EXOC4: variants seen among roughly 807,000 people sequenced by gnomAD.
EXOC4 encodes the protein SEC8-like 1.
EXOC4 carries 71 observed loss-of-function variants against 107.2 expected under a neutral mutation model. The observed-to-expected ratio is 0.66, with a 90% confidence interval of 0.55 to 0.81. EXOC4 has a LOEUF of 0.81. EXOC4 is among the 30% of genes least tolerant of loss of function. EXOC4 has a pLI of 0.00. For missense variants in EXOC4, 1,108 were observed against 1,189.6 expected, an observed-to-expected ratio of 0.93 and a Z score of 1.01; for synonymous variants, 456 against 441.2, an observed-to-expected ratio of 1.03 and a Z score of -0.42.
intron 10 of EXOC4, among the ~76,000 whole-genome samples, chr7:133,757,500 A>G (rs1247021695): frequency 1.3e-5 from 2 of 152,258 alleles, no homozygotes; most frequent in African/African-American, 4.8e-5. Flanking sequence ...TCTGAAGTCA[A>G]AACTACTTGG....
At chr7:133,892,827 A>G (rs1238146213) in intron 11 of EXOC4, among the ~76,000 whole-genome samples, 2 of 144,944 alleles carry the variant, frequency 1.4e-5, no homozygotes, top group African/African-American at 2.7e-5. Context: ...ACATTTGCTG[A>G]GGAGAGCTTT....
intron 10 of EXOC4, among the ~76,000 whole-genome samples, chr7:133,683,067 C>G (rs529822644): frequency 6.6e-6 from 1 of 152,314 alleles, no homozygotes; most frequent in South Asian, 2.1e-4. Flanking sequence ...CCTTGATTTT[C>G]TGAGCACTAT....
the EXOC4 span, among the ~76,000 whole-genome samples, chr7:134,076,952 C>T: frequency 6.6e-6 from 1 of 151,220 alleles, no homozygotes. Context: ...AGTTGAGGAT[C>T]TGCATATGTG....
intron 5 of EXOC4, among the ~76,000 whole-genome samples, chr7:133,342,050 G>A (rs771076334): frequency 6.6e-6 from 1 of 151,656 alleles, no homozygotes; most frequent in Non-Finnish European, 1.5e-5. Flanking sequence ...ATATTGAGAT[G>A]TGAGGTACTG....
intron 9 of EXOC4, among the ~76,000 whole-genome samples, chr7:133,524,674 C>G (rs556396973): frequency 2.6e-5 from 4 of 152,070 alleles, no homozygotes; most frequent in Non-Finnish European, 5.9e-5. Flanking sequence ...GCCATTTTCC[C>G]AGCACCATTT....
intron 5 of EXOC4, among the ~76,000 whole-genome samples, chr7:133,336,771 G>T (rs564342342): frequency 1.3e-5 from 2 of 148,266 alleles, no homozygotes; most frequent in South Asian, 4.2e-4. Flanking sequence ...GTCTTGCTCT[G>T]TCGCCAGGCT....
rs894821428 is a variant in EXOC4, at chr7:133,898,988, A to G, written c.1871+3253A>G. Among the ~76,000 whole-genome samples the G allele has an allele frequency of 6.6e-5, 10 of 152,044 alleles. 1 individual carries two copies. Among genetic ancestry groups the G allele is most frequent in the African/African-American group, 2.4e-4 (10 of 41,548 alleles). On this transcript the variant is annotated intron_variant, in intron 12 of 17. Transcript: ENST00000253861. ...GTGAGACTCCATCTCAAAAAATAAA[A>G]AATAAAAATAAAACTTAAATATTAA... is the stretch of plus-strand genomic sequence containing the variant.
In EXOC4 at chr7:133,521,116, G is replaced by A. The variant is rs557043232; in HGVS notation, c.1417+40978G>A. 1.8e-3 allele frequency among the ~76,000 whole-genome samples: 277 copies of A among 152,144 alleles called. 1 individual carries two copies. The highest frequency in any genetic ancestry group is 6.2e-3 in the African/African-American group (256 of 41,530). On this transcript the variant is annotated intron_variant, in intron 9 of 17. Coordinates refer to ENST00000253861, the MANE Select transcript of EXOC4 (RefSeq NM_021807.4). ...AGTGTTTATAAATTTTCAAAATGACGTTTGTATCTGTCAGGCTTTAGCTTT... is the reference window on the plus strand; with the variant it reads ...AGTGTTTATAAATTTTCAAAATGACATTTGTATCTGTCAGGCTTTAGCTTT...
At position 133,691,666 on chromosome 7, in the gene EXOC4, A is replaced by T. The variant is rs78214387; in HGVS notation, c.1514+61525A>T. 2.0e-3 allele frequency among the ~76,000 whole-genome samples: 311 copies of T among 152,282 alleles called. 9 individuals are homozygous for T. In the East Asian group the frequency reaches 0.054, roughly 26 times the overall value. On this transcript the variant is annotated intron_variant, in intron 10 of 17. Transcript: ENST00000253861. ...AAGTAAGCGAGCAAAAATATCAGAT[A>T]CTTATGAAATCCAGTAAGTGGCAGG...
At chr7:133,649,481 TTTTTA>T in intron 10 of EXOC4, among the ~76,000 whole-genome samples, 1 of 119,692 alleles carries the variant, frequency 8.4e-6, no homozygotes, top group South Asian at 2.5e-4. Context: ...TTTTTTTTTT[TTTTTA>T]ACCAGTAAAG....
chr7:133,288,660 T>C lies in EXOC4; in HGVS notation c.277-262T>C, dbSNP rs146985158. 2.1e-4 allele frequency among the ~76,000 whole-genome samples: 32 copies of C among 152,340 alleles called. No homozygotes were observed. In the East Asian group the frequency reaches 6.2e-3, roughly 29 times the overall value. On this transcript the variant is annotated intron_variant, in intron 2 of 17. Transcript: ENST00000253861. Reference sequence around the variant, plus strand: ...TTTCAGAGTGCTTTCTCTTTAGTAATGTTTTCTAGATTCACTCAAAGGTAG... The same window carrying C: ...TTTCAGAGTGCTTTCTCTTTAGTAACGTTTTCTAGATTCACTCAAAGGTAG...
At chr7:134,007,930 A>C in intron 17 of EXOC4, 95 bp downstream of exon 17, 2 of 1,177,862 alleles carry the variant, frequency 1.7e-6, no homozygotes, top group Non-Finnish European at 2.3e-6. Flanking sequence ...GTGCAGAAAA[A>C]GCTTAGTTTA....
intron 17 of EXOC4, among the ~76,000 whole-genome samples, chr7:134,023,532 A>G (rs1463578170): frequency 6.6e-6 from 1 of 152,140 alleles, no homozygotes; most frequent in African/African-American, 2.4e-5. Context: ...TAATCCTTAT[A>G]CTAACCTAGT....
At chr7:133,901,481 T>C (rs995279478) in intron 12 of EXOC4, among the ~76,000 whole-genome samples, 2 of 152,164 alleles carry the variant, frequency 1.3e-5, no homozygotes, top group Non-Finnish European at 2.9e-5. Context: ...ACAGCTTAAG[T>C]TTAAATGCCA....
intron 10 of EXOC4, among the ~76,000 whole-genome samples, chr7:133,679,542 G>GTCCATCCATCCATCCATCCA (rs59334789): frequency 3.4e-5 from 5 of 145,454 alleles, no homozygotes; most frequent in African/African-American, 1.3e-4. Context: ...CCGTCCGTCC[G>GTCCATCCATCCATCCATCCA]TCCATCCATC....
At chr7:133,887,856 ATTC>A (rs1455180170) in intron 11 of EXOC4, among the ~76,000 whole-genome samples, 2 of 152,162 alleles carry the variant, frequency 1.3e-5, no homozygotes, top group Non-Finnish European at 2.9e-5. Context: ...AGGATTTTAA[ATTC>A]TTCTTAGCGT....
At chr7:133,585,170 T>G (rs746640550) in intron 9 of EXOC4, among the ~76,000 whole-genome samples, 23 of 152,214 alleles carry the variant, frequency 1.5e-4, no homozygotes, top group Non-Finnish European at 2.4e-4. Flanking sequence ...ATGCAATAAT[T>G]CAAGTCTCAT....
chr7:133,707,552 G>T (rs1385039490), intron 10 of EXOC4, among the ~76,000 whole-genome samples: 1 of 150,916 alleles, frequency 6.6e-6, no homozygotes, highest in Non-Finnish European at 1.5e-5. Context: ...TTAGGAATCT[G>T]CCCAATTTTT....
chr7:133,884,457 G>A (rs1470623352), intron 11 of EXOC4, among the ~76,000 whole-genome samples: 4 of 152,218 alleles, frequency 2.6e-5, no homozygotes, highest in African/African-American at 9.6e-5. Flanking sequence ...GATAAGGAAG[G>A]AATCTCCAGG....
Sources: allele counts gnomAD v4.1 joint callset (sites outside exome capture counted in the v4.1 genomes callset), GRCh38; gene constraint gnomAD v4.1.1; transcripts MANE v1.5; gene names NCBI Gene and HGNC (gene_info 2026-07-23, HGNC 2026-07-21).